KANSL3: variants seen among roughly 807,000 people sequenced by gnomAD.
KANSL3 encodes KAT8 regulatory NSL complex subunit 3.
In KANSL3, 16 loss-of-function variants were observed where a neutral mutation model predicts 89.2. That is an observed-to-expected ratio of 0.18 (90% CI 0.12 to 0.27). The LOEUF is 0.27. KANSL3 is among the 10% of genes least tolerant of loss of function. The pLI is 1.00. For synonymous variants in KANSL3, 385 were observed against 419.7 expected (o/e 0.92, Z 1.01); for missense variants, 879 against 1,110.6 (o/e 0.79, Z 2.96).
chr2:96,620,142 T>A (rs1395951609), intron 3 of KANSL3, among the ~76,000 whole-genome samples: 2 of 152,192 alleles, frequency 1.3e-5, no homozygotes, highest in African/African-American at 4.8e-5. Context: ...TTGAATTTCA[T>A]AAGTTTTATA....
At position 96,605,735 on chromosome 2, in the gene KANSL3, C is replaced by T. The variant is rs1412794793; in HGVS notation, c.1742-224G>A. On this transcript the variant is annotated intron_variant, in intron 14 of 20. Coordinates refer to ENST00000431828, the MANE Select transcript of KANSL3 (RefSeq NM_001115016.3). ...CTTTGCCCTTCTTAGAGGATGGCAC[C>T]CTTCTCATCCCTCATCCTGCACTGG... 1.4e-5 allele frequency: 5 copies of T among 355,404 alleles called. No individual in the cohort carries two copies. The East Asian group carries it at 1.9e-4, about 13-fold the overall frequency. The allele number at this position is 355,404 out of a possible 1,614,324, so 22.0% of individuals were successfully genotyped here. A position where few individuals can be genotyped will look rare whatever the true frequency, so the allele number is the denominator to read the frequency against.
Position 96,602,816 on chromosome 2 carries a change from C to G in KANSL3, c.2196G>C (p.Leu732Phe). ...SSLLQGLSFS[L>F]QDISSKTSGL... The stretch of plus-strand genomic sequence containing the variant: ...CAGAGGTCTTGCTGCTGATATCCTG[C>G]AAGCTGAAGCTGAGGCCTTGGAGGA... Residue 732 changes from leucine (L) to phenylalanine (F), a missense_variant, in exon 18 of 21, where the codon TTG becomes TTC. Transcript: ENST00000431828. 6.2e-7 allele frequency: 1 copy of G among 1,613,292 alleles called. No individual in the cohort carries two copies. The highest frequency in any genetic ancestry group is 2.2e-5 in the East Asian group (1 of 44,856).
intron 3 of KANSL3, among the ~76,000 whole-genome samples, chr2:96,627,340 G>A (rs1018329160): frequency 6.6e-6 from 1 of 151,792 alleles, no homozygotes; most frequent in East Asian, 1.9e-4. Flanking sequence ...TCAGCCTCCC[G>A]AGTAGCTGAG....
At chr2:96,604,442 C>A in intron 16 of KANSL3, 62 bp from the exon 17 acceptor site, 1 of 1,579,184 alleles carries the variant, frequency 6.3e-7, no homozygotes, top group South Asian at 1.1e-5. Flanking sequence ...CCTAGCAACA[C>A]TGGCAGGGTA....
At chr2:96,634,251 G>C (rs543567757) in intron 2 of KANSL3, 4 of 152,380 alleles carry the variant, frequency 2.6e-5, no homozygotes, top group Non-Finnish European at 5.9e-5. Context: ...GCTGGGCATA[G>C]TGGCTCACGC....
rs1213530510 is a variant in KANSL3 at position 96,598,077 on chromosome 2, T to C, written c.2617-2446A>G. On this transcript the variant is annotated intron_variant, in intron 20 of 20. Coordinates refer to ENST00000431828, the MANE Select transcript of KANSL3 (RefSeq NM_001115016.3). The stretch of plus-strand genomic sequence containing the variant: ...CCAGGCCATGGCAAGCTGAGACGGA[T>C]TACCTAACACAGGAGGAAGGGATCA... The C allele has an allele frequency of 8.1e-6, 8 of 985,034 alleles. No homozygotes were observed. The African/African-American group carries it at 1.4e-4, about 17-fold the overall frequency. The allele number at this position is 985,034 out of a possible 1,614,324, so 61.0% of individuals were successfully genotyped here.
At chr2:96,618,195 G>A (rs2070572962) in intron 5 of KANSL3, among the ~76,000 whole-genome samples, 1 of 150,032 alleles carries the variant, frequency 6.7e-6, no homozygotes, top group African/African-American at 2.5e-5. Flanking sequence ...AACTTGGATT[G>A]ATTTGGTTCT....
downstream of KANSL3, chr2:96,593,032 C>T (rs2066322498): frequency 3.6e-6 from 1 of 277,920 alleles, no homozygotes; most frequent in Non-Finnish European, 7.3e-6. Flanking sequence ...TACAGTACCC[C>T]CTCATACCAC....
At chr2:96,619,318 G>T in intron 5 of KANSL3, 41 bp downstream of exon 5, 2 of 1,557,180 alleles carry the variant, frequency 1.3e-6, no homozygotes. Flanking sequence ...AGGGGAGGAT[G>T]GCTATCCCTA....
Position 96,593,952 on chromosome 2 carries a change from A to G in KANSL3, c.*1659T>C, listed in dbSNP as rs1417625749. On this transcript the variant is annotated 3_prime_UTR_variant, in exon 21 of 21. Coordinates refer to ENST00000431828, the MANE Select transcript of KANSL3 (RefSeq NM_001115016.3). ...AAGTCACCTACCAGCTAATGCAAAA[A>G]CACAGCCTAATTCTGTGTGAATCCC... 1 of 152,666 alleles carries G rather than the reference A, an allele frequency of 6.6e-6. No individual in the cohort carries two copies. Among genetic ancestry groups the G allele is most frequent in the Non-Finnish European group, 1.5e-5 (1 of 68,386 alleles). 9.5% of individuals were successfully genotyped at this position (152,666 alleles called of 1,614,324 possible).
At chr2:96,605,732 C>T (rs1161378599) in intron 14 of KANSL3, 1 of 370,294 alleles carries the variant, frequency 2.7e-6, no homozygotes, top group African/African-American at 2.0e-5. Context: ...TAGAGGATGG[C>T]ACCCTTCTCA....
At position 96,604,811 on chromosome 2, in the gene KANSL3, G is replaced by C. The variant is rs1181688065; in HGVS notation, c.1986C>G (p.Ala662=). The change falls in exon 16 of 21, where the codon GCC becomes GCG. Residue 662 remains alanine, a synonymous_variant. Coordinates refer to ENST00000431828, the MANE Select transcript of KANSL3 (RefSeq NM_001115016.3). ...TGGTGAGAAGTCCTGTGAGCTCCTT[G>C]GCCCCTGCTGAAGCCTGCCCCAGTG... The part of the protein sequence containing the change: ...TMTLGQASAG[A]KELTGLLTTA... 4 of 1,600,234 alleles carry C rather than the reference G, an allele frequency of 2.5e-6. No individual in the cohort carries two copies. Among genetic ancestry groups the C allele is most frequent in the Non-Finnish European group, 3.4e-6 (4 of 1,173,556 alleles).
intron 20 of KANSL3, among the ~76,000 whole-genome samples, chr2:96,599,111 T>C (rs962450356): frequency 6.6e-6 from 1 of 152,134 alleles, no homozygotes; most frequent in Non-Finnish European, 1.5e-5. Context: ...CAGCGTAGGA[T>C]AGACAAATTC....
intron 3 of KANSL3, among the ~76,000 whole-genome samples, chr2:96,622,693 G>A (rs1488071011): frequency 6.6e-6 from 1 of 152,188 alleles, no homozygotes; most frequent in Non-Finnish European, 1.5e-5. Flanking sequence ...GCAATGGGCT[G>A]CATGGACTCC....
chr2:96,587,551 T>C, the KANSL3 span, among the ~76,000 whole-genome samples: 1 of 152,202 alleles, frequency 6.6e-6, no homozygotes, highest in South Asian at 2.1e-4. Flanking sequence ...TGAGGCCTGC[T>C]AAAACAGAAG....
intron 3 of KANSL3, among the ~76,000 whole-genome samples, chr2:96,627,712 A>G (rs912369519): frequency 7.2e-5 from 11 of 152,222 alleles, no homozygotes; most frequent in African/African-American, 2.2e-4. Context: ...CTAATTTTAC[A>G]TGACTTTATA....
At chr2:96,631,195 G>A (rs1351637979) in intron 3 of KANSL3, 117 bp downstream of exon 3, 2 of 745,480 alleles carry the variant, frequency 2.7e-6, no homozygotes, top group East Asian at 5.3e-5. Flanking sequence ...TGAGACTTTG[G>A]AGAACACTCT....
chr2:96,633,603 T>C (rs1222761512), intron 2 of KANSL3, among the ~76,000 whole-genome samples: 1 of 145,550 alleles, frequency 6.9e-6, no homozygotes, highest in African/African-American at 2.6e-5. Flanking sequence ...TGGTGGCTCA[T>C]GCCGGTAATC....
rs545472838 is a variant in KANSL3 at position 96,612,739 on chromosome 2, C to A, written c.912+79G>T. ...ACATTCAAGTTACCCATTTTGACCT[C>A]CTCCCACATATTCTTCTCCTCAATC... On this transcript the variant is annotated intron_variant, in intron 7 of 20. Transcript: ENST00000431828. The A allele has an allele frequency of 2.4e-6, 3 of 1,262,674 alleles. No homozygotes were observed. The South Asian group carries it at 3.8e-5, about 16-fold the overall frequency. The allele number at this position is 1,262,674 out of a possible 1,614,324, so 78.2% of individuals were successfully genotyped here.
Sources: gnomAD v4.1 joint callset for allele counts (sites outside exome capture counted in the v4.1 genomes callset) on GRCh38, gnomAD v4.1.1 for gene constraint, MANE v1.5 for transcripts, NCBI Gene and HGNC (gene_info 2026-07-23, HGNC 2026-07-21) for gene names.